The following HPSE2 variants were observed in gnomAD, a reference collection of about 807,000 sequenced individuals.
HPSE2 encodes the protein heparanase 2 (inactive), also known as inactive heparanase-2.
A neutral mutation model predicts 60.5 loss-of-function variants in HPSE2; 38 were observed. That is an observed-to-expected ratio of 0.63 (90% CI 0.48 to 0.82). The LOEUF (loss-of-function observed/expected upper bound fraction) is 0.82, where lower values mean the gene tolerates loss of function less well. HPSE2 is among the 40% of genes least tolerant of loss of function. HPSE2 has a pLI of 0.00. For synonymous variants in HPSE2, 295 were observed against 293.2 expected, an observed-to-expected ratio of 1.01 and a Z score of -0.06; for missense variants, 713 against 740.4, an observed-to-expected ratio of 0.96 and a Z score of 0.43.
At chr10:98,555,262 A>T (rs769616715) in intron 9 of HPSE2, among the ~76,000 whole-genome samples, 3 of 152,234 alleles carry the variant, frequency 2.0e-5, no homozygotes, top group Non-Finnish European at 4.4e-5. Flanking sequence ...AATAGAATGT[A>T]ACTTAATAAG....
intron 3 of HPSE2, among the ~76,000 whole-genome samples, chr10:98,821,412 TATCTC>T (rs1485446773): frequency 1.3e-5 from 2 of 152,194 alleles, no homozygotes; most frequent in Non-Finnish European, 2.9e-5. Flanking sequence ...TATTTAAACA[TATCTC>T]AACATAGAAA....
chr10:99,028,319 CA>C (rs1957423315), intron 3 of HPSE2, among the ~76,000 whole-genome samples: 2 of 151,904 alleles, frequency 1.3e-5, no homozygotes, highest in South Asian at 4.2e-4. Context: ...AATCAACATA[CA>C]AAAATGAGTA....
At chr10:98,516,405 T>C (rs1405140430) in intron 9 of HPSE2, among the ~76,000 whole-genome samples, 1 of 152,222 alleles carries the variant, frequency 6.6e-6, no homozygotes, top group Non-Finnish European at 1.5e-5. Context: ...TAAATCTCCC[T>C]ATTGCAGTTT....
In HPSE2 at chr10:98,723,492, G is replaced by A. The variant is rs1001275014; in HGVS notation, c.785-1664C>T. Among the ~76,000 whole-genome samples the A allele has an allele frequency of 2.8e-4, 42 of 152,258 alleles. 1 individual carries two copies. Among genetic ancestry groups the A allele is most frequent in the South Asian group, 1.2e-3 (6 of 4,816 alleles). On this transcript the variant is annotated intron_variant, in intron 4 of 11. Transcript: ENST00000370552. ...TGCTGGCCTCATAAAATGAGTTAGG[G>A]AGGATTCCCTCTTTTTCTATTGATT...
At chr10:98,656,908 C>T (rs1356666659) in intron 6 of HPSE2, among the ~76,000 whole-genome samples, 1 of 151,926 alleles carries the variant, frequency 6.6e-6, no homozygotes, top group African/African-American at 2.4e-5. Context: ...ATTATAGGCA[C>T]CCGCCACCAC....
intron 4 of HPSE2, among the ~76,000 whole-genome samples, chr10:98,733,601 A>C (rs1949280319): frequency 6.6e-6 from 1 of 152,146 alleles, no homozygotes; most frequent in Non-Finnish European, 1.5e-5. Context: ...CACCTCTTTG[A>C]ATGTGTTTCT....
intron 3 of HPSE2, among the ~76,000 whole-genome samples, chr10:98,926,881 C>T (rs1426078597): frequency 6.6e-6 from 1 of 152,184 alleles, no homozygotes; most frequent in African/African-American, 2.4e-5. Context: ...AGTAGTCACT[C>T]AGGAGCAGGT....
chr10:98,658,197 T>A (rs1384414253), intron 6 of HPSE2, among the ~76,000 whole-genome samples: 1 of 152,140 alleles, frequency 6.6e-6, no homozygotes, highest in East Asian at 1.9e-4. Flanking sequence ...CACAGACTTT[T>A]TCTGGAAAGG....
intron 2 of HPSE2, among the ~76,000 whole-genome samples, chr10:99,185,275 GC>G (rs1325600597): frequency 6.6e-6 from 1 of 151,942 alleles, no homozygotes; most frequent in Non-Finnish European, 1.5e-5. Context: ...CTGCACTCCA[GC>G]CTGGGTGACA....
At chr10:98,660,294 TTC>T (rs1206048596) in intron 6 of HPSE2, among the ~76,000 whole-genome samples, 1 of 152,206 alleles carries the variant, frequency 6.6e-6, no homozygotes, top group African/African-American at 2.4e-5. Context: ...TGCCTGGGAT[TTC>T]TTTTTTCCCT....
At chr10:98,767,984 ACTAT>A (rs1242305416) in intron 3 of HPSE2, among the ~76,000 whole-genome samples, 1 of 150,550 alleles carries the variant, frequency 6.6e-6, no homozygotes, top group African/African-American at 2.4e-5. Context: ...ATTAAAAATA[ACTAT>A]CTGTTTATAT....
At chr10:98,875,488 A>G (rs1401338998) in intron 3 of HPSE2, among the ~76,000 whole-genome samples, 1 of 152,050 alleles carries the variant, frequency 6.6e-6, no homozygotes, top group African/African-American at 2.4e-5. Context: ...AAGAAGTCGA[A>G]TCCCTGAATA....
intron 5 of HPSE2, among the ~76,000 whole-genome samples, chr10:98,695,177 A>G (rs1022219919): frequency 6.6e-6 from 1 of 152,102 alleles, no homozygotes; most frequent in East Asian, 1.9e-4. Context: ...GGTTAGCATT[A>G]AAGTGAAGTT....
chr10:98,532,545 T>C (rs568266677), intron 9 of HPSE2, among the ~76,000 whole-genome samples: 2 of 152,318 alleles, frequency 1.3e-5, no homozygotes, highest in East Asian at 3.9e-4. Flanking sequence ...ATTATTATAG[T>C]GCTTGATACA....
At chr10:98,593,718 T>C (rs1369202245) in intron 9 of HPSE2, among the ~76,000 whole-genome samples, 5 of 152,200 alleles carry the variant, frequency 3.3e-5, no homozygotes, top group Non-Finnish European at 7.3e-5. Context: ...GAGTGATCTC[T>C]GGGTAAATTA....
intron 9 of HPSE2, among the ~76,000 whole-genome samples, chr10:98,596,083 T>A (rs1317457368): frequency 6.6e-6 from 1 of 152,228 alleles, no homozygotes; most frequent in Non-Finnish European, 1.5e-5. Context: ...CCTTTTAACG[T>A]GCTGTTGAAT....
chr10:99,093,584 A>G (rs994654360), intron 3 of HPSE2, among the ~76,000 whole-genome samples: 3 of 152,156 alleles, frequency 2.0e-5, no homozygotes, highest in Admixed American at 6.5e-5. Flanking sequence ...TCTTCTTCCA[A>G]GATGGTGCCT....
intron 3 of HPSE2, among the ~76,000 whole-genome samples, chr10:99,055,063 A>C (rs535883089): frequency 1.3e-5 from 2 of 152,310 alleles, no homozygotes; most frequent in Admixed American, 1.3e-4. Flanking sequence ...AAAATTCACC[A>C]GATACATAAG....
intron 3 of HPSE2, among the ~76,000 whole-genome samples, chr10:98,952,289 G>C (rs1955379797): frequency 6.6e-6 from 1 of 150,802 alleles, no homozygotes; most frequent in African/African-American, 2.4e-5. Flanking sequence ...CATTGAGGAA[G>C]GATTCCCCGC....
Sources: allele counts gnomAD v4.1 joint callset (sites outside exome capture counted in the v4.1 genomes callset), GRCh38; gene constraint gnomAD v4.1.1; transcripts MANE v1.5; gene names NCBI Gene and HGNC (gene_info 2026-07-23, HGNC 2026-07-21).